The following SNX13 variants were observed in gnomAD, a reference collection of about 807,000 sequenced individuals.
SNX13 encodes sorting nexin-13.
A neutral mutation model predicts 133.6 loss-of-function variants in SNX13; 45 were observed. The ratio of observed to expected loss-of-function variants is 0.34; its 90% CI spans 0.27 to 0.43. The LOEUF (loss-of-function observed/expected upper bound fraction) is 0.43. Ranked by LOEUF, SNX13 falls within the 20% of genes least tolerant of loss-of-function variation. The pLI, the probability that SNX13 is intolerant of heterozygous loss-of-function variation, is 1.00. For synonymous variants in SNX13, 414 were observed against 373.9 expected (o/e 1.11, Z -1.24); for missense variants, 1,032 against 1,145.1 (o/e 0.90, Z 1.43).
At chr7:17,865,977 A>G (rs1793351738) in intron 9 of SNX13, among the ~76,000 whole-genome samples, 2 of 152,230 alleles carry the variant, frequency 1.3e-5, no homozygotes, top group South Asian at 4.1e-4. Context: ...CTCAGCATAT[A>G]GAAAAACCAA....
intron 1 of SNX13, among the ~76,000 whole-genome samples, chr7:17,913,210 G>A (rs1799189086): frequency 6.6e-6 from 1 of 152,184 alleles, no homozygotes; most frequent in South Asian, 2.1e-4. Flanking sequence ...TGTGGTGCCA[G>A]CCACAAAAGG....
chr7:17,814,945 C>T lies in SNX13; in HGVS notation c.1954-1G>A. 1 of 1,343,656 alleles carries T rather than the reference C, an allele frequency of 7.4e-7. No homozygotes were observed. The highest frequency in any genetic ancestry group is 9.4e-7 in the Non-Finnish European group (1 of 1,068,332). 83.2% of individuals were successfully genotyped at this position (1,343,656 alleles called of 1,614,324 possible). A position where few individuals can be genotyped will look rare whatever the true frequency, so the allele number is the denominator to read the frequency against. On this transcript the variant is annotated splice_acceptor_variant, in intron 19 of 25. Transcript: ENST00000428135. LOFTEE classifies it high-confidence loss of function. ...TCATCATTTCAGGAGCTAACAGTAA[C>T]TAACAAGAAAAAAAAAAAAAAGAAG... is the stretch of plus-strand genomic sequence containing the variant.
chr7:17,893,970 G>GA (rs11298863), intron 2 of SNX13, among the ~76,000 whole-genome samples: 4,310 of 126,728 alleles, frequency 0.034, 229 homozygotes, highest in African/African-American at 0.11. Flanking sequence ...AGACTGTCTC[G>GA]AAAAAAAAAA....
intron 9 of SNX13, among the ~76,000 whole-genome samples, chr7:17,857,688 G>A (rs1792092689): frequency 6.6e-6 from 1 of 152,082 alleles, no homozygotes; most frequent in Admixed American, 6.5e-5. Context: ...GGAGTCTGAG[G>A]CAGGGAGAAT....
intron 11 of SNX13, among the ~76,000 whole-genome samples, chr7:17,848,201 C>T (rs1444790069): frequency 1.3e-5 from 2 of 152,114 alleles, no homozygotes; most frequent in African/African-American, 2.4e-5. Context: ...GGCATAACTT[C>T]GGAAAGAATC....
rs906256412 is a variant in SNX13, at chr7:17,791,953, C to T, written c.*2092G>A. On this transcript the variant is annotated 3_prime_UTR_variant, in exon 26 of 26. Transcript: ENST00000428135. ...AAAAATTACTTTAAAAATCCATTTA[C>T]TCAAATAGTTTTTGGTATGATTGCA... 3 of 152,074 alleles carry T rather than the reference C, an allele frequency of 2.0e-5. No individual in the cohort carries two copies. The highest frequency in any genetic ancestry group is 4.8e-5 in the African/African-American group (2 of 41,430). 9.4% of individuals were successfully genotyped at this position (152,074 alleles called of 1,614,324 possible).
At chr7:17,895,930 C>G (rs1184036183) in intron 2 of SNX13, among the ~76,000 whole-genome samples, 1 of 152,062 alleles carries the variant, frequency 6.6e-6, no homozygotes, top group Non-Finnish European at 1.5e-5. Context: ...CTCTGAAATC[C>G]TTTTCCTTCA....
intron 13 of SNX13, among the ~76,000 whole-genome samples, chr7:17,837,509 T>C (rs949020020): frequency 6.6e-6 from 1 of 152,032 alleles, no homozygotes; most frequent in Admixed American, 6.6e-5. Context: ...AACAGGTTTT[T>C]AAATGTGTAG....
chr7:17,892,115 G>C (rs772269895), intron 3 of SNX13, among the ~76,000 whole-genome samples: 24 of 152,064 alleles, frequency 1.6e-4, no homozygotes, highest in Middle Eastern at 3.4e-3. Context: ...AGAAAGATCA[G>C]TGGCCTGAAA....
intron 18 of SNX13, among the ~76,000 whole-genome samples, chr7:17,818,426 G>T (rs1208727747): frequency 6.6e-6 from 1 of 152,146 alleles, no homozygotes; most frequent in African/African-American, 2.4e-5. Context: ...TTTGTAAGTT[G>T]TCTGTCTGGA....
intron 5 of SNX13, among the ~76,000 whole-genome samples, chr7:17,887,585 T>A (rs1796150496): frequency 6.6e-6 from 1 of 152,188 alleles, no homozygotes; most frequent in African/African-American, 2.4e-5. Context: ...TAAGTTATCA[T>A]CTCCAGACAA....
At chr7:17,806,565 T>A (rs1400929607) in intron 20 of SNX13, among the ~76,000 whole-genome samples, 1 of 152,116 alleles carries the variant, frequency 6.6e-6, no homozygotes, top group Non-Finnish European at 1.5e-5. Context: ...TTATCACCAA[T>A]ATGGTTTATG....
chr7:17,910,957 A>G (rs965940645), intron 1 of SNX13, among the ~76,000 whole-genome samples: 1 of 152,192 alleles, frequency 6.6e-6, no homozygotes, highest in South Asian at 2.1e-4. Flanking sequence ...TTCTGACACT[A>G]ATTAGAGGTG....
chr7:17,871,233 C>T (rs998206635), intron 8 of SNX13, among the ~76,000 whole-genome samples: 5 of 152,120 alleles, frequency 3.3e-5, no homozygotes, highest in Admixed American at 2.0e-4. Context: ...TCTCGATCTC[C>T]TGACCTCGTG....
At chr7:17,814,717 A>C in intron 20 of SNX13, 117 bp downstream of exon 20, 7 of 794,804 alleles carry the variant, frequency 8.8e-6, no homozygotes, top group Non-Finnish European at 1.3e-5. Context: ...CCGAGAACTT[A>C]ATAAAATTTT....
At chr7:17,844,560 C>A (rs1790273216) in intron 12 of SNX13, among the ~76,000 whole-genome samples, 1 of 152,000 alleles carries the variant, frequency 6.6e-6, no homozygotes, top group African/African-American at 2.4e-5. Flanking sequence ...ATGAGGCCAG[C>A]ATTATCCTGA....
chr7:17,870,428 G>A (rs529319918), intron 8 of SNX13, among the ~76,000 whole-genome samples: 1 of 152,296 alleles, frequency 6.6e-6, no homozygotes, highest in South Asian at 2.1e-4. Flanking sequence ...AAACTGACTT[G>A]CTGAATGCAT....
intron 23 of SNX13, 56 bp from the exon 24 acceptor site, chr7:17,798,814 TAAAC>T: frequency 7.4e-7 from 1 of 1,352,336 alleles, no homozygotes; most frequent in Non-Finnish European, 1.0e-6. Context: ...GTGAAAAAAA[TAAAC>T]GTGACTTTCA....
intron 18 of SNX13, among the ~76,000 whole-genome samples, chr7:17,819,063 A>G (rs1195912784): frequency 6.6e-6 from 1 of 152,238 alleles, no homozygotes; most frequent in Non-Finnish European, 1.5e-5. Context: ...CCAGACACAT[A>G]GGAAAAGCTT....
Sources: gnomAD v4.1 joint callset for allele counts (sites outside exome capture counted in the v4.1 genomes callset) on GRCh38, gnomAD v4.1.1 for gene constraint, MANE v1.5 for transcripts, NCBI Gene and HGNC (gene_info 2026-07-23, HGNC 2026-07-21) for gene names.